MYH16: variants seen among roughly 807,000 people sequenced by gnomAD.
MYH16 encodes putative uncharacterized protein MYH16.
chr7:99,291,790 C>A (rs967838314), intron 31 of MYH16, among the ~76,000 whole-genome samples: 1 of 152,160 alleles, frequency 6.6e-6, no homozygotes, highest in East Asian at 1.9e-4. Flanking sequence ...AAAACCTGGT[C>A]TCTACTAAAA....
At chr7:99,251,578 T>A (rs758710692) in intron 6 of MYH16, among the ~76,000 whole-genome samples, 2 of 152,116 alleles carry the variant, frequency 1.3e-5, no homozygotes, top group African/African-American at 2.4e-5. Flanking sequence ...CAGGGTTAAC[T>A]TTTTTTTGTT....
intron 40 of MYH16, among the ~76,000 whole-genome samples, chr7:99,305,129 C>T (rs1792662654): frequency 6.6e-6 from 1 of 151,832 alleles, no homozygotes. Flanking sequence ...GTTGAGGCTA[C>T]AGTGAGCTAT....
chr7:99,269,672 C>T (rs191286678), intron 18 of MYH16, among the ~76,000 whole-genome samples: 3 of 152,222 alleles, frequency 2.0e-5, no homozygotes, highest in East Asian at 1.9e-4. Flanking sequence ...CACACCCTTC[C>T]GTGACATTCC....
At chr7:99,300,920 C>T (rs553033144) in intron 37 of MYH16, among the ~76,000 whole-genome samples, 5 of 152,060 alleles carry the variant, frequency 3.3e-5, no homozygotes, top group Non-Finnish European at 7.4e-5. Flanking sequence ...ACAGGCCAGG[C>T]GCAGTAGCTC....
chr7:99,309,593 C>G (rs993880994), downstream of MYH16, among the ~76,000 whole-genome samples: 1 of 152,218 alleles, frequency 6.6e-6, no homozygotes, highest in Non-Finnish European at 1.5e-5. Context: ...CCAGTGAGCT[C>G]TGACCTAGGT....
At chr7:99,273,548 C>T (rs1162217484) in intron 20 of MYH16, 125 bp downstream of exon 2, 2 of 390,932 alleles carry the variant, frequency 5.1e-6, no homozygotes, top group Non-Finnish European at 1.0e-5. Flanking sequence ...AATGAGGGCA[C>T]CTTAGAGACA....
intron 8 of MYH16, chr7:99,254,102 A>G (rs1359450201): frequency 6.6e-6 from 1 of 152,218 alleles, no homozygotes; most frequent in Non-Finnish European, 1.5e-5. Flanking sequence ...CAAAAAAATT[A>G]GCCAGGCATG....
chr7:99,255,784 C>T (rs1791864940), intron 9 of MYH16: 1 of 152,444 alleles, frequency 6.6e-6, no homozygotes, highest in Admixed American at 6.5e-5. Context: ...CAGGAGCCCA[C>T]TTAGAGCTGC....
intron 30 of MYH16, 129 bp from the exon 12 acceptor site, chr7:99,291,194 C>G (rs1792368523): frequency 2.7e-6 from 1 of 371,528 alleles, no homozygotes; most frequent in African/African-American, 2.1e-5. Flanking sequence ...ACTGTGCTCC[C>G]CATTCCAGCT....
intron 18 of MYH16, among the ~76,000 whole-genome samples, chr7:99,268,541 G>A (rs1413948322): frequency 7.2e-5 from 11 of 152,216 alleles, no homozygotes; most frequent in Admixed American, 7.2e-4. Context: ...GTTGTACAAG[G>A]GTTGCATTAG....
chr7:99,256,113 C>T (rs1202155415), intron 9 of MYH16, among the ~76,000 whole-genome samples: 1 of 151,820 alleles, frequency 6.6e-6, no homozygotes, highest in Non-Finnish European at 1.5e-5. Flanking sequence ...TCTTTGCCTT[C>T]CCCTCACCTA....
chr7:99,277,935 GAGACAGACAGACAGAC>G (rs776604184), intron 21 of MYH16, among the ~76,000 whole-genome samples: 1,926 of 143,736 alleles, frequency 0.013, 149 homozygotes, highest in Admixed American at 0.095. Flanking sequence ...GAGAGAGAGA[GAGACAGACAGACAGAC>G]AGACAGACAG....
chr7:99,283,754 C>G (rs571597193), intron 24 of MYH16, 103 bp downstream of exon 6: 1 of 439,628 alleles, frequency 2.3e-6, no homozygotes, highest in Non-Finnish European at 4.6e-6. Flanking sequence ...ACACATCCCC[C>G]GGGGCGTGAG....
intron 41 of MYH16, 77 bp from the exon 23 acceptor site, chr7:99,306,532 A>T (rs1324022943): frequency 6.6e-6 from 1 of 152,542 alleles, no homozygotes; most frequent in Non-Finnish European, 1.5e-5. Context: ...CTCTCAAAAA[A>T]AAAATTTTTT....
At chr7:99,247,209 G>C (rs1791743711) in intron 2 of MYH16, among the ~76,000 whole-genome samples, 1 of 152,222 alleles carries the variant, frequency 6.6e-6, no homozygotes. Flanking sequence ...GTCTCACTCT[G>C]TTGCCCAGGC....
At chr7:99,297,756 A>G (rs1314029188) in exon 35 of MYH16, 1 of 456,650 alleles carries the variant, frequency 2.2e-6, no homozygotes, top group Non-Finnish European at 4.4e-6. Context: ...GAAAAGGAAG[A>G]ACTCCAGGTG....
chr7:99,272,339 G>A (rs1792056937), intron 19 of MYH16, among the ~76,000 whole-genome samples: 2 of 152,138 alleles, frequency 1.3e-5, no homozygotes, highest in African/African-American at 2.4e-5. Context: ...AAGGAACTGG[G>A]GCAGGTTCAT....
intron 2 of MYH16, among the ~76,000 whole-genome samples, chr7:99,246,729 T>C (rs1791736068): frequency 1.4e-5 from 2 of 144,364 alleles, no homozygotes; most frequent in Admixed American, 7.0e-5. Context: ...AAAAAAACCA[T>C]GGAAGGGAGT....
chr7:99,249,227 C>G (rs1484204307), intron 4 of MYH16, among the ~76,000 whole-genome samples: 1 of 152,066 alleles, frequency 6.6e-6, no homozygotes. Flanking sequence ...TCTGTCCTAG[C>G]TAGGGGGCAA....
Sources: allele counts gnomAD v4.1 joint callset (sites outside exome capture counted in the v4.1 genomes callset), GRCh38; gene constraint gnomAD v4.1.1; transcripts MANE v1.5; gene names NCBI Gene and HGNC (gene_info 2026-07-23, HGNC 2026-07-21).